PRKN: variants seen among roughly 807,000 people sequenced by gnomAD.
The protein encoded by PRKN is parkin RBR E3 ubiquitin protein ligase, also known as E3 ubiquitin-protein ligase parkin.
A neutral mutation model predicts 59.5 loss-of-function variants in PRKN; 56 were observed. That is an observed-to-expected ratio of 0.94 (90% CI 0.76 to 1.18). PRKN has a LOEUF of 1.18. Among genes scored for constraint, PRKN ranks in the 50% most tolerant of loss-of-function variants. PRKN has a pLI of 0.00. For synonymous variants in PRKN, 250 were observed against 222.1 expected (o/e 1.13, Z -1.12); for missense variants, 657 against 596.4 (o/e 1.10, Z -1.06).
At chr6:162,539,670 C>A (rs952177124) in intron 1 of PRKN, among the ~76,000 whole-genome samples, 1 of 152,126 alleles carries the variant, frequency 6.6e-6, no homozygotes, top group African/African-American at 2.4e-5. Flanking sequence ...GGAACTAGAT[C>A]CTGATAGTGC....
At chr6:162,124,073 C>T (rs986206300) in intron 4 of PRKN, among the ~76,000 whole-genome samples, 1 of 152,116 alleles carries the variant, frequency 6.6e-6, no homozygotes, top group Non-Finnish European at 1.5e-5. Flanking sequence ...AGTCCAAGCA[C>T]CAGCTGTTGT....
In PRKN at chr6:161,399,342, G is replaced by T. The variant is rs939521057; in HGVS notation, c.1084-12465C>A. Among the ~76,000 whole-genome samples the T allele has an allele frequency of 2.0e-5, 3 of 152,174 alleles. No homozygotes were observed. Among genetic ancestry groups the T allele is most frequent in the African/African-American group, 7.2e-5 (3 of 41,420 alleles). Reference sequence around the variant, plus strand: ...ACTGGCCCTCTGCCCTTGCAAAAAGGCAGAGGGTCCACTGAGCTGTTTAAC... The same window carrying T: ...ACTGGCCCTCTGCCCTTGCAAAAAGTCAGAGGGTCCACTGAGCTGTTTAAC... On this transcript the variant is annotated intron_variant, in intron 9 of 11. Transcript: ENST00000366898. The surrounding 1 kb of genome is among the most constrained non-coding windows in gnomAD (Gnocchi z 4.4).
At chr6:162,223,072 T>C (rs895639142) in intron 3 of PRKN, among the ~76,000 whole-genome samples, 3 of 142,690 alleles carry the variant, frequency 2.1e-5, no homozygotes, top group Middle Eastern at 3.2e-3. Flanking sequence ...TGTGATCTCA[T>C]TGTTCAATTC....
chr6:161,710,364 T>C (rs1485240461), intron 7 of PRKN, among the ~76,000 whole-genome samples: 1 of 152,196 alleles, frequency 6.6e-6, no homozygotes, highest in African/African-American at 2.4e-5. Context: ...CCGTCCTAAG[T>C]TGAAAATACC....
intron 3 of PRKN, among the ~76,000 whole-genome samples, chr6:162,243,491 A>C (rs1779074202): frequency 6.6e-6 from 1 of 152,146 alleles, no homozygotes; most frequent in Non-Finnish European, 1.5e-5. Flanking sequence ...GATCATTTGA[A>C]AAAAAAGTCA....
At chr6:161,668,160 C>T (rs559506580) in intron 7 of PRKN, among the ~76,000 whole-genome samples, 1 of 150,862 alleles carries the variant, frequency 6.6e-6, no homozygotes, top group African/African-American at 2.4e-5. Context: ...TATATGCTGA[C>T]ACTTACTAAA....
chr6:162,494,805 C>G (rs894461278), intron 1 of PRKN, among the ~76,000 whole-genome samples: 10 of 152,188 alleles, frequency 6.6e-5, no homozygotes, highest in African/African-American at 2.4e-4. Flanking sequence ...GCTGTAGAAT[C>G]AAGCGAAGTA....
chr6:162,613,860 GAAAT>G (rs780494257), intron 1 of PRKN, among the ~76,000 whole-genome samples: 12,101 of 152,046 alleles, frequency 0.08, 658 homozygotes, highest in East Asian at 0.3. Flanking sequence ...CATTATCTCA[GAAAT>G]AAATGTGTAT....
chr6:162,162,504 C>G (rs1782800708), intron 4 of PRKN, among the ~76,000 whole-genome samples: 1 of 152,040 alleles, frequency 6.6e-6, no homozygotes, highest in African/African-American at 2.4e-5. Context: ...ATCTTGGAAC[C>G]TATCTCCCAT....
intron 2 of PRKN, among the ~76,000 whole-genome samples, chr6:162,430,854 G>A (rs753322996): frequency 3.9e-5 from 6 of 152,072 alleles, no homozygotes; most frequent in Non-Finnish European, 8.8e-5. Context: ...AAGGGCATAT[G>A]GATTATCGTC....
intron 5 of PRKN, among the ~76,000 whole-genome samples, chr6:162,025,142 A>C (rs1335255679): frequency 6.6e-6 from 1 of 150,988 alleles, no homozygotes; most frequent in Admixed American, 6.6e-5. Flanking sequence ...CAGCCTCCCG[A>C]GTAGCTGGGA....
intron 7 of PRKN, among the ~76,000 whole-genome samples, chr6:161,572,073 A>G (rs921987132): frequency 3.9e-5 from 6 of 152,108 alleles, no homozygotes; most frequent in Non-Finnish European, 8.8e-5. Flanking sequence ...CTTGGCCGCC[A>G]TAATTGTGTG....
intron 1 of PRKN, among the ~76,000 whole-genome samples, chr6:162,685,200 C>T (rs897215460): frequency 1.3e-5 from 2 of 152,062 alleles, no homozygotes; most frequent in Non-Finnish European, 2.9e-5. Flanking sequence ...AATTATGCCA[C>T]GAAGCATGTT....
In PRKN at chr6:161,811,650, C is replaced by T. The variant is rs181091587; in HGVS notation, c.735-25742G>A. Among the ~76,000 whole-genome samples, 371 of 152,236 alleles carry T rather than the reference C, an allele frequency of 2.4e-3. 1 individual carries two copies. The highest frequency in any genetic ancestry group is 0.01 in the Middle Eastern group (3 of 294). ...TAAATCTTCTAGAAGGGGCCGGGCACGGTGGCTCACACCTGTAATCCCAGC... is the reference window on the plus strand; with the variant it reads ...TAAATCTTCTAGAAGGGGCCGGGCATGGTGGCTCACACCTGTAATCCCAGC... On this transcript the variant is annotated intron_variant, in intron 6 of 11. Coordinates refer to ENST00000366898, the MANE Select transcript of PRKN (RefSeq NM_004562.3).
chr6:162,523,972 T>A (rs1583722509), intron 1 of PRKN, among the ~76,000 whole-genome samples: 2 of 152,208 alleles, frequency 1.3e-5, no homozygotes, highest in Non-Finnish European at 2.9e-5. Flanking sequence ...TCAAAGCAAA[T>A]CCAGAATACG....
intron 6 of PRKN, among the ~76,000 whole-genome samples, chr6:161,909,487 G>T (rs1778274281): frequency 6.6e-6 from 1 of 152,152 alleles, no homozygotes; most frequent in East Asian, 1.9e-4. Context: ...ACGAGAGAGA[G>T]CGCTTGCATA....
chr6:161,622,659 T>A (rs1782950582), intron 7 of PRKN, among the ~76,000 whole-genome samples: 1 of 152,226 alleles, frequency 6.6e-6, no homozygotes, highest in African/African-American at 2.4e-5. Flanking sequence ...GAGCTGCCAC[T>A]ACCTCATGCC....
chr6:162,405,547 C>T (rs1349819484), intron 2 of PRKN, among the ~76,000 whole-genome samples: 1 of 152,108 alleles, frequency 6.6e-6, no homozygotes, highest in Non-Finnish European at 1.5e-5. Context: ...CCGTGTCACC[C>T]CCAACATTTA....
intron 7 of PRKN, among the ~76,000 whole-genome samples, chr6:161,758,294 T>G (rs1016027351): frequency 1.3e-5 from 2 of 152,174 alleles, no homozygotes; most frequent in African/African-American, 2.4e-5. Flanking sequence ...AGATGCTTGT[T>G]GGTAATGCCT....
Sources: gnomAD v4.1 joint callset for allele counts (sites outside exome capture counted in the v4.1 genomes callset) on GRCh38, gnomAD v4.1.1 for gene constraint, Gnocchi (gnomAD v3.1) non-coding constraint, MANE v1.5 for transcripts, NCBI Gene and HGNC (gene_info 2026-07-23, HGNC 2026-07-21) for gene names.